Variants in CCDC6 observed in about 807,000 individuals in gnomAD.
CCDC6 encodes coiled-coil domain containing 6, also known as coiled-coil domain-containing protein 6.
Under a neutral mutation model 56.6 loss-of-function variants are expected in CCDC6, and 20 were observed. The observed-to-expected ratio is 0.35, with a 90% CI of 0.25 to 0.51. The LOEUF is 0.51. Among genes scored for constraint, CCDC6 ranks in the 20% least tolerant of loss-of-function variants. CCDC6 has a pLI of 0.95. For synonymous variants in CCDC6, 241 were observed against 234.4 expected (o/e 1.03, Z -0.26); for missense variants, 367 against 601.1 (o/e 0.61, Z 4.07).
chr10:59,820,701 C>T (rs971376983), intron 3 of CCDC6, among the ~76,000 whole-genome samples: 4 of 151,792 alleles, frequency 2.6e-5, no homozygotes, highest in African/African-American at 9.7e-5. Flanking sequence ...TGAGCTATGA[C>T]TGTGCCACTG....
chr10:59,885,926 C>G (rs919375871), intron 1 of CCDC6, among the ~76,000 whole-genome samples: 1 of 126,184 alleles, frequency 7.9e-6, no homozygotes, highest in Non-Finnish European at 1.6e-5. Flanking sequence ...CCCCCCGCCC[C>G]CCCAACTAGA....
chr10:59,808,357 T>G (rs1280039728), intron 5 of CCDC6, among the ~76,000 whole-genome samples: 1 of 152,176 alleles, frequency 6.6e-6, no homozygotes. Flanking sequence ...CAGGATTCTG[T>G]GGCATACTCC....
chr10:59,856,323 C>T (rs1482955808), intron 1 of CCDC6, among the ~76,000 whole-genome samples: 1 of 143,092 alleles, frequency 7.0e-6, no homozygotes, highest in South Asian at 2.2e-4. Context: ...GGGCAAAATG[C>T]TATATCCAAT....
intron 1 of CCDC6, among the ~76,000 whole-genome samples, chr10:59,862,570 T>TACACAC (rs907275659): frequency 2.1e-5 from 2 of 96,368 alleles, no homozygotes; most frequent in African/African-American, 8.5e-5. Context: ...TATATACACA[T>TACACAC]ACACACACAC....
chr10:59,863,667 T>C (rs558634370), intron 1 of CCDC6, among the ~76,000 whole-genome samples: 2 of 152,364 alleles, frequency 1.3e-5, no homozygotes, highest in Non-Finnish European at 2.9e-5. Context: ...GTAAATTTTA[T>C]GGTATATAAA....
intron 3 of CCDC6, among the ~76,000 whole-genome samples, chr10:59,817,627 G>A (rs751519319): frequency 6.6e-6 from 1 of 152,184 alleles, no homozygotes; most frequent in African/African-American, 2.4e-5. Flanking sequence ...ATGATGTCTA[G>A]TGGAGAAATG....
At position 59,794,183 on chromosome 10, in the gene CCDC6, C is replaced by T. The variant is rs73263408; in HGVS notation, c.1230+290G>A. 9.6e-3 allele frequency among the ~76,000 whole-genome samples: 1,466 copies of T among 152,260 alleles called. 33 individuals are homozygous for T. The highest frequency in any genetic ancestry group is 0.033 in the African/African-American group (1,390 of 41,532). On this transcript the variant is annotated intron_variant, in intron 8 of 8. Coordinates refer to ENST00000263102, the MANE Select transcript of CCDC6 (RefSeq NM_005436.5). ...GACATTATGGCAACCAACAATAATG[C>T]AAGGAGCTGGCCAGAGTTCAATCAA...
chr10:59,819,604 A>G (rs1006241528), intron 3 of CCDC6, among the ~76,000 whole-genome samples: 8 of 152,178 alleles, frequency 5.3e-5, no homozygotes, highest in African/African-American at 9.7e-5. Flanking sequence ...AGCTCATAAT[A>G]TATGTTAAGT....
Position 59,794,533 on chromosome 10 carries a change from C to T in CCDC6, c.1170G>A (p.Met390Ile), listed in dbSNP as rs1356938022. 10 of 1,614,002 alleles carry T rather than the reference C, an allele frequency of 6.2e-6. No homozygotes were observed. Among genetic ancestry groups the T allele is most frequent in the East Asian group, 2.2e-5 (1 of 44,872 alleles). ...GAAGACCCGGGGAATTGTAATAAGA[C>T]ATTCCAGCTCTAGTCAGTGAAGTTG... ...TPPTSLTRAG[M>I]SYYNSPGLHV... is the part of the protein sequence containing the mutation. Residue 390 changes from methionine to isoleucine, a missense_variant, in exon 8 of 9, where the codon ATG becomes ATA. Around this residue, in one of 7 missense-constraint regions of CCDC6, gnomAD observed 79 missense variants for 83.9 expected, o/e 0.94. Transcript: ENST00000263102.
At chr10:59,798,910 C>T (rs1372382092) in intron 7 of CCDC6, among the ~76,000 whole-genome samples, 2 of 144,594 alleles carry the variant, frequency 1.4e-5, no homozygotes, top group African/African-American at 5.2e-5. Context: ...AGGAGAATCG[C>T]TTGAATCTGG....
At chr10:59,856,388 TATGCATA>T (rs990283766) in intron 1 of CCDC6, among the ~76,000 whole-genome samples, 8 of 150,718 alleles carry the variant, frequency 5.3e-5, no homozygotes, top group Admixed American at 4.6e-4. Context: ...GTCCTGACAA[TATGCATA>T]GAGTTAATTA....
At chr10:59,898,911 G>A (rs570111751) in intron 1 of CCDC6, among the ~76,000 whole-genome samples, 1 of 152,084 alleles carries the variant, frequency 6.6e-6, no homozygotes, top group African/African-American at 2.4e-5. Context: ...GTCTGATCCA[G>A]GAACCAATAA....
At chr10:59,858,721 T>C (rs916837576) in intron 1 of CCDC6, among the ~76,000 whole-genome samples, 2 of 152,182 alleles carry the variant, frequency 1.3e-5, no homozygotes, top group Non-Finnish European at 2.9e-5. Context: ...ACCTGGTCCA[T>C]ACCTGGTTCA....
intron 2 of CCDC6, among the ~76,000 whole-genome samples, chr10:59,836,651 T>A (rs1378240448): frequency 6.6e-6 from 1 of 152,232 alleles, no homozygotes; most frequent in Non-Finnish European, 1.5e-5. Context: ...AAATGGCTTT[T>A]TTCAAAAATC....
chr10:59,882,069 CCG>C (rs758450729), intron 1 of CCDC6, among the ~76,000 whole-genome samples: 2,739 of 37,858 alleles, frequency 0.072, 182 homozygotes, highest in African/African-American at 0.27. Flanking sequence ...GAAAGGAAAG[CCG>C]CGGGGAGAAG....
intron 1 of CCDC6, among the ~76,000 whole-genome samples, chr10:59,881,514 T>A (rs1027017336): frequency 6.6e-6 from 1 of 152,164 alleles, no homozygotes; most frequent in African/African-American, 2.4e-5. Flanking sequence ...TCAGATTCAT[T>A]TTGGGCTAAT....
At chr10:59,875,736 G>A (rs944402077) in intron 1 of CCDC6, among the ~76,000 whole-genome samples, 8 of 152,204 alleles carry the variant, frequency 5.3e-5, no homozygotes, top group Admixed American at 5.2e-4. Context: ...TCTGGAGAAT[G>A]CAAAGGTTTT....
chr10:59,888,877 TA>T (rs1463774567), intron 1 of CCDC6, among the ~76,000 whole-genome samples: 2 of 152,098 alleles, frequency 1.3e-5, no homozygotes, highest in African/African-American at 4.8e-5. Flanking sequence ...ACTATCATCA[TA>T]AAAATAAATT....
intron 7 of CCDC6, among the ~76,000 whole-genome samples, chr10:59,801,672 G>A (rs1270653500): frequency 6.6e-6 from 1 of 152,104 alleles, no homozygotes; most frequent in Non-Finnish European, 1.5e-5. Context: ...GTGAGGATCT[G>A]TGTCTTCTCC....
Sources: allele counts gnomAD v4.1 joint callset (sites outside exome capture counted in the v4.1 genomes callset), GRCh38; gene constraint gnomAD v4.1.1; regional missense constraint gnomAD v4.1.1; transcripts MANE v1.5; gene names NCBI Gene and HGNC (gene_info 2026-07-23, HGNC 2026-07-21).